The following TMEM50A variants were observed in gnomAD, a reference collection of about 807,000 sequenced individuals.
TMEM50A encodes the protein cervical cancer oncogene 9.
TMEM50A carries 8 observed loss-of-function variants against 23.9 expected under a neutral mutation model. That is an observed-to-expected ratio of 0.33 (90% CI 0.20 to 0.60). The LOEUF (loss-of-function observed/expected upper bound fraction) is 0.60, where lower values mean the gene tolerates loss of function less well. Among genes scored for constraint, TMEM50A ranks in the 20% least tolerant of loss-of-function variants. The probability of loss-of-function intolerance (pLI) is 0.81; values close to 1 mark genes in which losing one functional copy is unlikely to be tolerated. For missense variants in TMEM50A, 178 were observed against 192.7 expected, an observed-to-expected ratio of 0.92 and a Z score of 0.45; for synonymous variants, 55 against 60.4, an observed-to-expected ratio of 0.91 and a Z score of 0.41.
At chr1:25,344,327 A>G (rs1645191954) in intron 3 of TMEM50A, among the ~76,000 whole-genome samples, 1 of 152,232 alleles carries the variant, frequency 6.6e-6, no homozygotes. Flanking sequence ...TTATATTTTA[A>G]TAGGAGCATT....
intron 5 of TMEM50A, among the ~76,000 whole-genome samples, chr1:25,355,827 G>C (rs1033994933): frequency 6.6e-6 from 1 of 152,184 alleles, no homozygotes; most frequent in Middle Eastern, 3.2e-3. Context: ...TGTTGCTCCA[G>C]CAGTCCTTCC....
intron 5 of TMEM50A, 96 bp downstream of exon 5, chr1:25,353,070 G>T: frequency 9.5e-7 from 1 of 1,054,742 alleles, no homozygotes; most frequent in South Asian, 1.5e-5. Context: ...TCCTATAGTT[G>T]GGCCAACTAC....
Position 25,360,650 on chromosome 1 carries a change from T to C in TMEM50A, c.429-10T>C. 2 of 1,614,084 alleles carry C rather than the reference T, an allele frequency of 1.2e-6. No individual in the cohort carries two copies. The highest frequency in any genetic ancestry group is 1.1e-5 in the South Asian group (1 of 91,074). ...AGGGAGTCATGTGATATTTCTTGTTTTATTCACAGAGGGCTGGTTTTTAAG... is the reference window on the plus strand; with the variant it reads ...AGGGAGTCATGTGATATTTCTTGTTCTATTCACAGAGGGCTGGTTTTTAAG... On this transcript the variant is annotated splice_polypyrimidine_tract_variant and intron_variant, in intron 6 of 6. Coordinates refer to ENST00000374358, the MANE Select transcript of TMEM50A (RefSeq NM_014313.4).
intron 3 of TMEM50A, among the ~76,000 whole-genome samples, chr1:25,347,979 C>G (rs1479669139): frequency 6.6e-6 from 1 of 152,180 alleles, no homozygotes; most frequent in African/African-American, 2.4e-5. Flanking sequence ...CTTTTGTTCT[C>G]AGATCTTTAA....
Position 25,360,772 on chromosome 1 carries a change from C to A in TMEM50A, c.*67C>A. The stretch of plus-strand genomic sequence containing the variant: ...TGTTTGTTTTTTTACTGCTCACTCC[C>A]AACCTTTTGTAATGCCATTTTCTAA... On this transcript the variant is annotated 3_prime_UTR_variant, in exon 7 of 7. Coordinates refer to ENST00000374358, the MANE Select transcript of TMEM50A (RefSeq NM_014313.4). 1 of 1,532,648 alleles carries A rather than the reference C, an allele frequency of 6.5e-7. No homozygotes were observed. The allele number at this position is 1,532,648 out of a possible 1,614,324, so 94.9% of individuals were successfully genotyped here.
intron 2 of TMEM50A, among the ~76,000 whole-genome samples, chr1:25,341,319 G>A (rs1342181848): frequency 6.6e-6 from 1 of 151,894 alleles, no homozygotes; most frequent in African/African-American, 2.4e-5. Flanking sequence ...GTGCAGTGGC[G>A]CAATCTCAGC....
chr1:25,345,472 C>T (rs1013071696), intron 3 of TMEM50A, among the ~76,000 whole-genome samples: 10 of 152,216 alleles, frequency 6.6e-5, no homozygotes, highest in African/African-American at 1.9e-4. Flanking sequence ...CCCAGCTACT[C>T]GGGAGGCTGA....
chr1:25,342,668 C>T, intron 2 of TMEM50A: 1 of 182,552 alleles, frequency 5.5e-6, no homozygotes, highest in Non-Finnish European at 1.2e-5. Flanking sequence ...TCCTTTCCCC[C>T]TCCATGAGAT....
intron 4 of TMEM50A, among the ~76,000 whole-genome samples, chr1:25,352,170 T>G (rs776941270): frequency 1.3e-5 from 2 of 152,162 alleles, no homozygotes; most frequent in Non-Finnish European, 2.9e-5. Context: ...TTTTACTGTA[T>G]GTCTGTGTTA....
Position 25,352,964 on chromosome 1 carries a change from T to C in TMEM50A, c.357T>C (p.Tyr119=). The C allele has an allele frequency of 1.2e-6, 2 of 1,613,418 alleles. No homozygotes were observed. Among genetic ancestry groups the C allele is most frequent in the Middle Eastern group, 1.6e-4 (1 of 6,062 alleles). ...CTATGTGGATTCTTTTTGGAGGTTA[T>C]GTTGCTAAAGGTAAGAGAAAACATA... is the stretch of plus-strand genomic sequence containing the variant. ...IASMWILFGG[Y]VAKEKDIVYP... Residue 119 remains tyrosine (Y), a synonymous_variant, in exon 5 of 7, where the codon TAT becomes TAC. Coordinates refer to ENST00000374358, the MANE Select transcript of TMEM50A (RefSeq NM_014313.4).
chr1:25,358,289 G>A (rs1176741238), intron 6 of TMEM50A, among the ~76,000 whole-genome samples: 2 of 152,188 alleles, frequency 1.3e-5, no homozygotes, highest in African/African-American at 4.8e-5. Context: ...TTCTGAAGGT[G>A]AGGTATCACC....
chr1:25,351,020 G>A lies in TMEM50A; in HGVS notation c.207-606G>A, dbSNP rs866597451. Among the ~76,000 whole-genome samples the A allele has an allele frequency of 3.3e-5, 5 of 151,906 alleles. No homozygotes were observed. The South Asian group carries it at 8.3e-4, about 25-fold the overall frequency. ...ACTAAAAATACAAAAAAAATTAGCC[G>A]GGCATAGGTGGTGCATGCCTGTAGT... On this transcript the variant is annotated intron_variant, in intron 3 of 6. Transcript: ENST00000374358.
At chr1:25,356,083 A>G (rs1645330852) in intron 5 of TMEM50A, among the ~76,000 whole-genome samples, 1 of 152,110 alleles carries the variant, frequency 6.6e-6, no homozygotes, top group African/African-American at 2.4e-5. Flanking sequence ...AGAGCCTCCT[A>G]ACTGGTTTCT....
rs1645409272 is a variant in TMEM50A at position 25,361,814 on chromosome 1, C to G, written c.*1109C>G. The G allele has an allele frequency of 1.3e-5, 2 of 154,826 alleles. No individual in the cohort carries two copies. Among genetic ancestry groups the G allele is most frequent in the Non-Finnish European group, 2.9e-5 (2 of 69,764 alleles). The allele number at this position is 154,826 out of a possible 1,614,324, so 9.6% of individuals were successfully genotyped here. On this transcript the variant is annotated 3_prime_UTR_variant, in exon 7 of 7. Transcript: ENST00000374358. ...TGAATATTGCCTGGTGATCAAGACT[C>G]TCCTCAAAGAAATGACTTGCTGTCA...
chr1:25,357,646 G>T (rs541458214), intron 6 of TMEM50A, among the ~76,000 whole-genome samples: 2 of 150,700 alleles, frequency 1.3e-5, no homozygotes, highest in East Asian at 3.9e-4. Flanking sequence ...GTGTGTGTGT[G>T]TGTTGTTTTG....
chr1:25,338,583 C>G, intron 1 of TMEM50A, 127 bp downstream of exon 1: 1 of 152,578 alleles, frequency 6.6e-6, no homozygotes, highest in East Asian at 1.9e-4. Context: ...TCCCGGAAGC[C>G]GCAGACCCGG....
intron 2 of TMEM50A, among the ~76,000 whole-genome samples, chr1:25,341,992 A>G (rs974702449): frequency 1.3e-5 from 2 of 152,004 alleles, no homozygotes; most frequent in African/African-American, 4.8e-5. Context: ...ATTACAGGCT[A>G]TTGCACCTGG....
intron 5 of TMEM50A, among the ~76,000 whole-genome samples, chr1:25,355,981 A>C (rs1424212010): frequency 2.0e-5 from 3 of 152,184 alleles, no homozygotes; most frequent in Admixed American, 6.5e-5. Flanking sequence ...ACTGTGCTGT[A>C]AAATATATCC....
intron 6 of TMEM50A, 82 bp downstream of exon 6, chr1:25,356,935 CTAAT>C: frequency 1.0e-6 from 1 of 999,176 alleles, no homozygotes; most frequent in Non-Finnish European, 1.5e-6. Context: ...ATTTAGTTGC[CTAAT>C]TACTCATCCA....
Sources: gnomAD v4.1 joint callset for allele counts (sites outside exome capture counted in the v4.1 genomes callset) on GRCh38, gnomAD v4.1.1 for gene constraint, MANE v1.5 for transcripts, NCBI Gene and HGNC (gene_info 2026-07-23, HGNC 2026-07-21) for gene names.